The following CFAP44 variants were observed in gnomAD, a reference collection of about 807,000 sequenced individuals.
The protein encoded by CFAP44 is cilia- and flagella-associated protein 44.
A neutral mutation model predicts 216.2 loss-of-function variants in CFAP44; 134 were observed. The ratio of observed to expected loss-of-function variants is 0.62; its 90% CI spans 0.54 to 0.72. CFAP44 has a LOEUF of 0.72. CFAP44 is among the 30% of genes least tolerant of loss of function. The probability of loss-of-function intolerance (pLI) is 0.00; values close to 1 mark genes in which losing one functional copy is unlikely to be tolerated. For missense variants in CFAP44, 2,035 were observed against 2,182.1 expected (o/e 0.93, Z 1.34); for synonymous variants, 700 against 727.6 (o/e 0.96, Z 0.61).
At chr3:113,342,902 T>C (rs1950346587) in intron 23 of CFAP44, among the ~76,000 whole-genome samples, 1 of 151,756 alleles carries the variant, frequency 6.6e-6, no homozygotes, top group African/African-American at 2.4e-5. Context: ...CAGAATTGCT[T>C]GAACCTGAGA....
intron 15 of CFAP44, among the ~76,000 whole-genome samples, chr3:113,393,429 T>C (rs1333921045): frequency 6.6e-6 from 1 of 152,068 alleles, no homozygotes; most frequent in East Asian, 1.9e-4. Context: ...ATGAATAGAT[T>C]GATGATTTCC....
At chr3:113,337,136 A>T (rs917355109) in intron 24 of CFAP44, among the ~76,000 whole-genome samples, 2 of 150,828 alleles carry the variant, frequency 1.3e-5, no homozygotes, top group Non-Finnish European at 3.0e-5. Flanking sequence ...AACAAACAAA[A>T]ATCAATTATA....
chr3:113,381,600 C>T (rs1331236659), intron 15 of CFAP44, among the ~76,000 whole-genome samples: 1 of 152,206 alleles, frequency 6.6e-6, no homozygotes, highest in African/African-American at 2.4e-5. Flanking sequence ...TTACCACTTA[C>T]ATGCAATTAA....
At chr3:113,376,583 T>G (rs1933350885) in intron 17 of CFAP44, among the ~76,000 whole-genome samples, 1 of 152,070 alleles carries the variant, frequency 6.6e-6, no homozygotes, top group Non-Finnish European at 1.5e-5. Context: ...AAGAAAGCAT[T>G]TGAGAAGTAT....
chr3:113,370,550 T>C (rs188599500), intron 18 of CFAP44, among the ~76,000 whole-genome samples: 2 of 152,300 alleles, frequency 1.3e-5, no homozygotes, highest in East Asian at 3.9e-4. Context: ...CTAAAAACTC[T>C]CAATAAACTA....
chr3:113,293,918 A>G (rs1949855363), intron 34 of CFAP44: 5 of 445,896 alleles, frequency 1.1e-5, no homozygotes, highest in Non-Finnish European at 1.8e-5. Context: ...AGGCTTCTGA[A>G]GCAGTACAAC....
At position 113,381,036 on chromosome 3, in the gene CFAP44, A is replaced by G. The variant is rs1933493191; in HGVS notation, c.1915T>C (p.Cys639Arg). 6.3e-7 allele frequency: 1 copy of G among 1,579,436 alleles called. No individual in the cohort carries two copies. The highest frequency in any genetic ancestry group is 8.6e-7 in the Non-Finnish European group (1 of 1,165,802). Reference protein sequence around the residue: ...SHPESTLLIICENGYILEAPL... With the variant: ...SHPESTLLIIRENGYILEAPL... Reference sequence around the variant, plus strand: ...GCTTCAAGAATATAGCCATTTTCACAGATAATTAGTAAAGTACTTTCAGGC... The same window carrying G: ...GCTTCAAGAATATAGCCATTTTCACGGATAATTAGTAAAGTACTTTCAGGC... Residue 639 changes from cysteine (C) to arginine (R), a missense_variant, in exon 16 of 35, where the codon TGT becomes CGT. This residue lies in a region of CFAP44 where 1,883 missense variants were observed against 2,023.7 expected (regional missense o/e 0.93). Coordinates refer to ENST00000393845, the MANE Select transcript of CFAP44 (RefSeq NM_001164496.2).
intron 19 of CFAP44, among the ~76,000 whole-genome samples, chr3:113,365,055 G>A (rs938835118): frequency 2.6e-5 from 4 of 152,044 alleles, no homozygotes; most frequent in African/African-American, 9.7e-5. Flanking sequence ...GTTTCTGTAG[G>A]AGGGATATTG....
intron 4 of CFAP44, among the ~76,000 whole-genome samples, chr3:113,423,287 G>T (rs1460612119): frequency 6.6e-6 from 1 of 151,536 alleles, no homozygotes; most frequent in Non-Finnish European, 1.5e-5. Flanking sequence ...GCTAATTTTT[G>T]TATTTCTTGT....
intron 32 of CFAP44, 51 bp downstream of exon 32, chr3:113,303,865 C>T: frequency 6.6e-7 from 1 of 1,522,330 alleles, no homozygotes; most frequent in Non-Finnish European, 8.8e-7. Context: ...TGGATAATTC[C>T]CTTTCTTACC....
intron 1 of CFAP44, among the ~76,000 whole-genome samples, chr3:113,437,079 C>A (rs1411385092): frequency 6.6e-6 from 1 of 152,154 alleles, no homozygotes; most frequent in Non-Finnish European, 1.5e-5. Context: ...GGCTATGGAA[C>A]AGTGGTCCCT....
intron 32 of CFAP44, among the ~76,000 whole-genome samples, chr3:113,302,556 T>C (rs540281839): frequency 1.3e-5 from 2 of 149,632 alleles, no homozygotes; most frequent in African/African-American, 4.9e-5. Flanking sequence ...ACCTGGGAGT[T>C]TGAGACCAGC....
chr3:113,428,915 G>A (rs1180667956), intron 2 of CFAP44: 4 of 151,894 alleles, frequency 2.6e-5, no homozygotes, highest in Admixed American at 6.6e-5. Flanking sequence ...GGAAGCTTTG[G>A]GACCTCTCCT....
intron 5 of CFAP44, 74 bp downstream of exon 5, chr3:113,419,943 A>G: frequency 6.7e-7 from 1 of 1,500,300 alleles, no homozygotes. Context: ...TCTAACAACC[A>G]TGTTGGCTGG....
At chr3:113,321,589 C>T (rs1382561552) in intron 28 of CFAP44, among the ~76,000 whole-genome samples, 2 of 152,182 alleles carry the variant, frequency 1.3e-5, no homozygotes, top group Non-Finnish European at 2.9e-5. Context: ...ACTATCTTTG[C>T]TGGTGATATG....
intron 8 of CFAP44, among the ~76,000 whole-genome samples, chr3:113,405,216 C>G (rs558693277): frequency 2.0e-5 from 3 of 152,226 alleles, no homozygotes; most frequent in Admixed American, 1.3e-4. Flanking sequence ...TTTAACAACC[C>G]TACCGACTTT....
chr3:113,342,291 C>T (rs1950340273), intron 23 of CFAP44, among the ~76,000 whole-genome samples: 1 of 152,120 alleles, frequency 6.6e-6, no homozygotes, highest in Non-Finnish European at 1.5e-5. Context: ...TGAAATCTTG[C>T]CACTGCACTC....
In CFAP44 at chr3:113,290,599, G is replaced by GTAA. The variant is rs1949819848; in HGVS notation, c.*957_*958insTTA. ...AATGTCAGTGAGATTATCCTGCAAT[G>GTAA]GTTATAGCCATGAACTTCAATGAGC... On this transcript the variant is annotated 3_prime_UTR_variant, in exon 35 of 35. Coordinates refer to ENST00000393845, the MANE Select transcript of CFAP44 (RefSeq NM_001164496.2). 1 of 152,126 alleles carries GTAA rather than the reference G, an allele frequency of 6.6e-6. No individual in the cohort carries two copies. The highest frequency in any genetic ancestry group is 1.5e-5 in the Non-Finnish European group (1 of 68,024). 9.4% of individuals were successfully genotyped at this position (152,126 alleles called of 1,614,324 possible).
chr3:113,426,532 G>C (rs1306235626), intron 3 of CFAP44, among the ~76,000 whole-genome samples: 1 of 152,164 alleles, frequency 6.6e-6, no homozygotes, highest in Non-Finnish European at 1.5e-5. Context: ...TGTGAAGAAG[G>C]ACATGTTTGC....
Sources: allele counts gnomAD v4.1 joint callset (sites outside exome capture counted in the v4.1 genomes callset), GRCh38; gene constraint gnomAD v4.1.1; regional missense constraint gnomAD v4.1.1; transcripts MANE v1.5; gene names NCBI Gene and HGNC (gene_info 2026-07-23, HGNC 2026-07-21).